The following NOL4L variants were observed in gnomAD, a reference collection of about 807,000 sequenced individuals.
The protein encoded by NOL4L is nucleolar protein 4-like.
A neutral mutation model predicts 64.5 loss-of-function variants in NOL4L; 7 were observed. The observed-to-expected ratio is 0.11, with a 90% CI of 0.06 to 0.20. The LOEUF (loss-of-function observed/expected upper bound fraction) is 0.20. Among genes scored for constraint, NOL4L ranks in the 10% least tolerant of loss-of-function variants. The pLI is 1.00. For synonymous variants in NOL4L, 413 were observed against 401.0 expected (o/e 1.03, Z -0.36); for missense variants, 680 against 967.1 (o/e 0.70, Z 3.94).
At chr20:32,493,437 G>A (rs2016546204) in intron 4 of NOL4L, among the ~76,000 whole-genome samples, 1 of 152,166 alleles carries the variant, frequency 6.6e-6, no homozygotes. Flanking sequence ...CAGGTGTGGA[G>A]GGGAGTGGGC....
At chr20:32,483,563 G>C in intron 4 of NOL4L, 1 of 973,626 alleles carries the variant, frequency 1.0e-6, no homozygotes, top group South Asian at 4.7e-5. Context: ...GCGAGCAGCG[G>C]CGGCAGCGGC....
chr20:32,546,330 C>T (rs527726826), intron 1 of NOL4L, among the ~76,000 whole-genome samples: 4 of 152,302 alleles, frequency 2.6e-5, no homozygotes, highest in Middle Eastern at 3.4e-3. Flanking sequence ...CTCACCACAA[C>T]CTCCGCCTCC....
At position 32,460,405 on chromosome 20, in the gene NOL4L, C is replaced by G. The variant is rs895186640; in HGVS notation, c.842-4010G>C. On this transcript the variant is annotated intron_variant, in intron 5 of 10. Coordinates refer to ENST00000621426, the MANE Select transcript of NOL4L (RefSeq NM_001256798.2). The surrounding 1 kb of genome is among the most constrained non-coding windows in gnomAD (Gnocchi z 5.7). ...CAGGCAGCCCCGGCATGCCAGCCCC[C>G]ACCCCACACAGCTGCCCCCGCGCCA... Among the ~76,000 whole-genome samples the G allele has an allele frequency of 6.6e-6, 1 of 152,200 alleles. No individual in the cohort carries two copies. Among genetic ancestry groups the G allele is most frequent in the African/African-American group, 2.4e-5 (1 of 41,460 alleles).
intron 1 of NOL4L, among the ~76,000 whole-genome samples, chr20:32,553,197 G>A (rs1367060797): frequency 1.3e-5 from 2 of 152,090 alleles, no homozygotes; most frequent in African/African-American, 4.8e-5. Flanking sequence ...GCACCATTCT[G>A]GTCCAGGCCA....
At chr20:32,557,936 C>A (rs893424830) in intron 1 of NOL4L, among the ~76,000 whole-genome samples, 8 of 152,106 alleles carry the variant, frequency 5.3e-5, no homozygotes, top group African/African-American at 1.9e-4. Context: ...ATGGTGGCAC[C>A]CACCTGTAAT....
intron 5 of NOL4L, chr20:32,465,193 G>A (rs977071040): frequency 1.7e-5 from 8 of 460,602 alleles, no homozygotes; most frequent in African/African-American, 4.1e-5. Context: ...GTCAGGCGGC[G>A]GGTAACTCAT....
At chr20:32,489,492 T>C (rs926622845) in intron 4 of NOL4L, among the ~76,000 whole-genome samples, 3 of 151,952 alleles carry the variant, frequency 2.0e-5, no homozygotes, top group African/African-American at 7.3e-5. Flanking sequence ...AGTGCTGGAA[T>C]TACAGGCATG....
intron 3 of NOL4L, among the ~76,000 whole-genome samples, chr20:32,511,907 G>A (rs2017423193): frequency 6.6e-6 from 1 of 152,184 alleles, no homozygotes; most frequent in Non-Finnish European, 1.5e-5. Flanking sequence ...ATAGGAGGCT[G>A]AAGTGGGAGG....
intron 1 of NOL4L, among the ~76,000 whole-genome samples, chr20:32,577,262 C>A (rs1426139231): frequency 1.3e-5 from 2 of 152,212 alleles, no homozygotes; most frequent in African/African-American, 4.8e-5. Context: ...AGGTTCCCAG[C>A]CAGGGGGCCG....
intron 1 of NOL4L, among the ~76,000 whole-genome samples, chr20:32,579,067 G>T (rs1478269049): frequency 6.6e-6 from 1 of 152,176 alleles, no homozygotes; most frequent in African/African-American, 2.4e-5. Flanking sequence ...AGGTGACTTG[G>T]TGATGATGGA....
At chr20:32,499,557 G>A (rs942318686) in intron 4 of NOL4L, among the ~76,000 whole-genome samples, 1 of 151,902 alleles carries the variant, frequency 6.6e-6, no homozygotes, top group East Asian at 1.9e-4. Flanking sequence ...TGGCCAACAT[G>A]GTGAAACCCC....
rs2014369166 is a variant in NOL4L at position 32,464,461 on chromosome 20, A to C, written c.842-8066T>G. On this transcript the variant is annotated intron_variant, in intron 5 of 10. Transcript: ENST00000621426. The surrounding 1 kb of genome is among the most constrained non-coding windows in gnomAD (Gnocchi z 5.6). The stretch of plus-strand genomic sequence containing the variant: ...GCGCCCAGCTCTGTCCCTGTGGTTC[A>C]CACAGCCTGGCCCGGCCCCAGCCAC... Among the ~76,000 whole-genome samples the C allele has an allele frequency of 6.6e-6, 1 of 152,178 alleles. No homozygotes were observed. The highest frequency in any genetic ancestry group is 6.5e-5 in the Admixed American group (1 of 15,288).
At chr20:32,462,633 G>A (rs1048235579) in intron 5 of NOL4L, among the ~76,000 whole-genome samples, 6 of 152,048 alleles carry the variant, frequency 3.9e-5, no homozygotes, top group Non-Finnish European at 4.4e-5. Context: ...TAGGCCAGGC[G>A]CAGTGGCTCA....
Position 32,447,614 on chromosome 20 carries a change from G to A in NOL4L, c.2025C>T (p.Leu675=). 1.2e-6 allele frequency: 2 copies of A among 1,603,560 alleles called. No homozygotes were observed. The highest frequency in any genetic ancestry group is 2.2e-5 in the South Asian group (2 of 90,862). ...LLRSADELEN[L]ILQQN ...GGTGGGGTCAGTTCTGCTGTAGGAT[G>A]AGGTTTTCCAGTTCATCTGCAGAGC... The change falls in exon 11 of 11, where the codon CTC becomes CTT. Residue 675 remains leucine (L), a synonymous_variant. Transcript: ENST00000621426.
chr20:32,494,278 AAAAAC>A (rs1307769064), intron 4 of NOL4L, among the ~76,000 whole-genome samples: 3 of 84,780 alleles, frequency 3.5e-5, no homozygotes, highest in African/African-American at 1.1e-4. Flanking sequence ...AAAAAAAAAA[AAAAAC>A]ACACAACACA....
At chr20:32,450,102 A>G (rs1319777591) in intron 10 of NOL4L, 1 of 152,322 alleles carries the variant, frequency 6.6e-6, no homozygotes, top group Non-Finnish European at 1.5e-5. Context: ...GGGTAGAGGG[A>G]TAGGAGTGAG....
At chr20:32,546,369 CT>C (rs1475817985) in intron 1 of NOL4L, among the ~76,000 whole-genome samples, 1 of 152,204 alleles carries the variant, frequency 6.6e-6, no homozygotes, top group Admixed American at 6.5e-5. Flanking sequence ...CTTTCTCAGC[CT>C]CCTTTTACAG....
In NOL4L at chr20:32,584,988, C is replaced by T; in HGVS notation, c.-98G>A. ...TGGGCTGGACCGGGCCGGGACGCGCCGCGGCCGCGTCTGTCCCGCGGTGTG... is the reference window on the plus strand; with the variant it reads ...TGGGCTGGACCGGGCCGGGACGCGCTGCGGCCGCGTCTGTCCCGCGGTGTG... On this transcript the variant is annotated 5_prime_UTR_variant, in exon 1 of 11. Transcript: ENST00000621426. The T allele has an allele frequency of 1.5e-6, 1 of 678,922 alleles. No homozygotes were observed. The highest frequency in any genetic ancestry group is 6.2e-5 in the South Asian group (1 of 16,184). The allele number at this position is 678,922 out of a possible 1,614,324, so 42.1% of individuals were successfully genotyped here.
intron 4 of NOL4L, among the ~76,000 whole-genome samples, chr20:32,508,589 T>C (rs1014838113): frequency 2.6e-5 from 4 of 152,210 alleles, no homozygotes; most frequent in Admixed American, 6.5e-5. Context: ...TTCCATCTCC[T>C]GCCGCACTCA....
Sources: gnomAD v4.1 joint callset for allele counts (sites outside exome capture counted in the v4.1 genomes callset) on GRCh38, gnomAD v4.1.1 for gene constraint, Gnocchi (gnomAD v3.1) non-coding constraint, MANE v1.5 for transcripts, NCBI Gene and HGNC (gene_info 2026-07-23, HGNC 2026-07-21) for gene names.